The following PLCB1 variants were observed in gnomAD, a reference collection of about 807,000 sequenced individuals.
The protein encoded by PLCB1 is 1-phosphatidylinositol 4,5-bisphosphate phosphodiesterase beta-1.
A neutral mutation model predicts 161.8 loss-of-function variants in PLCB1; 46 were observed. The ratio of observed to expected loss-of-function variants is 0.28; its 90% CI spans 0.22 to 0.36. The LOEUF is 0.36. Among genes scored for constraint, PLCB1 ranks in the 10% least tolerant of loss-of-function variants. The probability of loss-of-function intolerance (pLI) is 1.00; values close to 1 mark genes in which losing one functional copy is unlikely to be tolerated. For synonymous variants in PLCB1, 517 were observed against 503.7 expected (o/e 1.03, Z -0.35); for missense variants, 1,016 against 1,472.5 (o/e 0.69, Z 5.07).
At chr20:8,782,359 A>T (rs1347020709) in intron 27 of PLCB1, among the ~76,000 whole-genome samples, 1 of 152,170 alleles carries the variant, frequency 6.6e-6, no homozygotes, top group Admixed American at 6.5e-5. Context: ...TGGTCAGGTC[A>T]CACTCCCATA....
intron 10 of PLCB1, among the ~76,000 whole-genome samples, chr20:8,693,133 G>A (rs547699369): frequency 1.3e-5 from 2 of 152,290 alleles, no homozygotes; most frequent in East Asian, 3.9e-4. Flanking sequence ...TGGATGGTAA[G>A]GGTAAAGGAA....
chr20:8,568,572 A>G (rs1986412960), intron 3 of PLCB1, among the ~76,000 whole-genome samples: 1 of 152,278 alleles, frequency 6.6e-6, no homozygotes, highest in South Asian at 2.1e-4. Flanking sequence ...CCTTTTATTG[A>G]AAGTGTTTTA....
chr20:8,545,082 A>G (rs1226862568), intron 3 of PLCB1, among the ~76,000 whole-genome samples: 1 of 152,236 alleles, frequency 6.6e-6, no homozygotes, highest in Non-Finnish European at 1.5e-5. Flanking sequence ...TTGAATGCAA[A>G]GCCATATGTG....
intron 31 of PLCB1, among the ~76,000 whole-genome samples, chr20:8,809,886 C>G (rs1249263967): frequency 6.6e-6 from 1 of 152,220 alleles, no homozygotes; most frequent in East Asian, 1.9e-4. Flanking sequence ...TTTTCTAGCC[C>G]CCTCAGCAAT....
At chr20:8,513,019 C>T (rs182880201) in intron 3 of PLCB1, among the ~76,000 whole-genome samples, 215 of 152,228 alleles carry the variant, frequency 1.4e-3, no homozygotes, top group Non-Finnish European at 2.6e-3. Context: ...TTTTAGATTC[C>T]ACATATAAAT....
chr20:8,444,043 T>C (rs1221918443), intron 3 of PLCB1, among the ~76,000 whole-genome samples: 3 of 151,988 alleles, frequency 2.0e-5, no homozygotes, highest in African/African-American at 7.3e-5. Flanking sequence ...GACCAATACC[T>C]GATTTTTTTT....
At chr20:8,781,297 A>G (rs1983208442) in intron 27 of PLCB1, among the ~76,000 whole-genome samples, 1 of 152,168 alleles carries the variant, frequency 6.6e-6, no homozygotes, top group Non-Finnish European at 1.5e-5. Flanking sequence ...AAGAAATGAC[A>G]AATAAGCAAA....
chr20:8,219,431 T>C (rs1979298039), intron 2 of PLCB1, among the ~76,000 whole-genome samples: 1 of 152,178 alleles, frequency 6.6e-6, no homozygotes, highest in Non-Finnish European at 1.5e-5. Context: ...GTTAGAGTTA[T>C]AGAGCCTGGA....
At chr20:8,138,398 G>A (rs2051369737) in intron 1 of PLCB1, among the ~76,000 whole-genome samples, 1 of 152,180 alleles carries the variant, frequency 6.6e-6, no homozygotes, top group Non-Finnish European at 1.5e-5. Context: ...AAAATGGAAG[G>A]GGATTGCTGG....
At chr20:8,206,633 A>G (rs1427896115) in intron 2 of PLCB1, among the ~76,000 whole-genome samples, 3 of 152,140 alleles carry the variant, frequency 2.0e-5, no homozygotes, top group Non-Finnish European at 4.4e-5. Context: ...TAGCTAACAT[A>G]CTTTTTCATT....
intron 3 of PLCB1, among the ~76,000 whole-genome samples, chr20:8,462,654 G>A (rs1389762633): frequency 6.6e-6 from 1 of 152,086 alleles, no homozygotes; most frequent in Non-Finnish European, 1.5e-5. Flanking sequence ...AACCAATTTG[G>A]ATAAATGTAA....
At position 8,797,630 on chromosome 20, in the gene PLCB1, T is replaced by C. The variant is rs550422883; in HGVS notation, c.3423+7369T>C. 3.3e-5 allele frequency among the ~76,000 whole-genome samples: 5 copies of C among 152,364 alleles called. No homozygotes were observed. The East Asian group carries it at 9.6e-4, about 29-fold the overall frequency. Reference sequence around the variant, plus strand: ...TTTTGTATTTTATTTCCAGATGTTCTATTTGGTTTATTTTCAAATATATAA... The same window carrying C: ...TTTTGTATTTTATTTCCAGATGTTCCATTTGGTTTATTTTCAAATATATAA... On this transcript the variant is annotated intron_variant, in intron 31 of 31. Transcript: ENST00000338037.
intron 2 of PLCB1, among the ~76,000 whole-genome samples, chr20:8,238,625 T>C (rs1451208698): frequency 6.6e-6 from 1 of 151,898 alleles, no homozygotes; most frequent in Non-Finnish European, 1.5e-5. Context: ...AGGACTCATA[T>C]TAACATATGC....
intron 2 of PLCB1, among the ~76,000 whole-genome samples, chr20:8,350,737 T>A (rs1233938634): frequency 2.0e-5 from 3 of 152,312 alleles, no homozygotes; most frequent in South Asian, 2.1e-4. Context: ...CTTGAAATTT[T>A]AAAAATTACT....
intron 3 of PLCB1, among the ~76,000 whole-genome samples, chr20:8,472,905 C>G (rs146295386): frequency 6.6e-6 from 1 of 152,136 alleles, no homozygotes; most frequent in African/African-American, 2.4e-5. Context: ...ACAAAATGCT[C>G]TTTCTGGTGG....
intron 3 of PLCB1, among the ~76,000 whole-genome samples, chr20:8,413,307 G>A (rs1043677044): frequency 1.3e-5 from 2 of 151,984 alleles, no homozygotes; most frequent in African/African-American, 2.4e-5. Flanking sequence ...TTTCCCTTTC[G>A]TTGACAAAGA....
intron 10 of PLCB1, among the ~76,000 whole-genome samples, chr20:8,695,609 G>A (rs963820011): frequency 3.3e-5 from 5 of 152,116 alleles, no homozygotes; most frequent in Admixed American, 6.5e-5. Context: ...GGCTTAGGAA[G>A]GAGGATGACT....
Position 8,881,920 on chromosome 20 carries a change from T to C in PLCB1, c.*71T>C. The C allele has an allele frequency of 9.8e-7, 1 of 1,021,646 alleles. No individual in the cohort carries two copies. The highest frequency in any genetic ancestry group is 1.5e-6 in the Non-Finnish European group (1 of 656,754). The allele number at this position is 1,021,646 out of a possible 1,614,324, so 63.3% of individuals were successfully genotyped here. ...ATCGGACTCTCTCTTATTACAAAGATCACTGCCCAGGACCATCTTCCCGAG... is the reference window on the plus strand; with the variant it reads ...ATCGGACTCTCTCTTATTACAAAGACCACTGCCCAGGACCATCTTCCCGAG... On this transcript the variant is annotated 3_prime_UTR_variant, in exon 32 of 32. Coordinates refer to ENST00000338037, the MANE Select transcript of PLCB1 (RefSeq NM_015192.4).
intron 1 of PLCB1, among the ~76,000 whole-genome samples, chr20:8,143,155 C>G (rs1054096851): frequency 6.6e-6 from 1 of 152,164 alleles, no homozygotes; most frequent in East Asian, 1.9e-4. Context: ...CCTTTTCCTC[C>G]TTTAGTTACC....
Sources: gnomAD v4.1 joint callset for allele counts (sites outside exome capture counted in the v4.1 genomes callset) on GRCh38, gnomAD v4.1.1 for gene constraint, MANE v1.5 for transcripts, NCBI Gene and HGNC (gene_info 2026-07-23, HGNC 2026-07-21) for gene names.